Variants in SF3B2 observed in about 807,000 individuals in gnomAD.
SF3B2 encodes splicing factor 3b subunit 2.
Under a neutral mutation model 116.3 loss-of-function variants are expected in SF3B2, and 22 were observed. The observed-to-expected ratio is 0.19, with a 90% CI of 0.14 to 0.27. The LOEUF is 0.27. Ranked by LOEUF, SF3B2 falls within the 10% of genes least tolerant of loss-of-function variation. SF3B2 has a pLI of 1.00. For synonymous variants in SF3B2, 406 were observed against 421.6 expected (o/e 0.96, Z 0.45); for missense variants, 767 against 1,151.4 (o/e 0.67, Z 4.83).
In SF3B2 at chr11:66,061,637, C is replaced by G. The variant is rs762710893; in HGVS notation, c.1780-49C>G. 8 of 1,376,452 alleles carry G rather than the reference C, an allele frequency of 5.8e-6. No homozygotes were observed. The South Asian group carries it at 9.3e-5, about 16-fold the overall frequency. 85.3% of individuals were successfully genotyped at this position (1,376,452 alleles called of 1,614,324 possible). On this transcript the variant is annotated intron_variant, in intron 14 of 21. Transcript: ENST00000322535. Reference sequence around the variant, plus strand: ...TCTGATGTGCGTTAGGATTGTGCTCCCACTGAGTGTCTGGGTCTACAATGT... The same window carrying G: ...TCTGATGTGCGTTAGGATTGTGCTCGCACTGAGTGTCTGGGTCTACAATGT...
At chr11:66,053,342 T>C (rs563033739) in intron 3 of SF3B2, 31 of 538,566 alleles carry the variant, frequency 5.8e-5, no homozygotes, top group African/African-American at 5.7e-4. Flanking sequence ...AGTTCTCTCT[T>C]TGATGCTGAC....
rs371131684 is a variant in SF3B2 at position 66,055,148 on chromosome 11, C to T, written c.331C>T (p.Pro111Ser). 6.3e-7 allele frequency: 1 copy of T among 1,592,420 alleles called. No homozygotes were observed. Among genetic ancestry groups the T allele is most frequent in the Non-Finnish European group, 8.6e-7 (1 of 1,165,338 alleles). The change falls in exon 4 of 22, where the codon CCT becomes TCT. Residue 111 changes from proline (P) to serine (S), a missense_variant. By Grantham distance (74) the Pro-to-Ser change is moderately conservative (BLOSUM62 -1). Around this residue, in one of 4 missense-constraint regions of SF3B2, gnomAD observed 455 missense variants for 537.5 expected, o/e 0.85. Transcript: ENST00000322535. Reference protein sequence around the residue: ...PLQPPPPPPPPPPGLGLGFPM... With the variant: ...PLQPPPPPPPSPPGLGLGFPM... ...GCAGCCTCCTCCGCCACCCCCACCACCTCCACCAGGCCTTGGCCTTGGCTT... is the reference window on the plus strand; with the variant it reads ...GCAGCCTCCTCCGCCACCCCCACCATCTCCACCAGGCCTTGGCCTTGGCTT...
intron 3 of SF3B2, among the ~76,000 whole-genome samples, chr11:66,054,311 T>C (rs1856952887): frequency 6.6e-6 from 1 of 151,480 alleles, no homozygotes; most frequent in Admixed American, 6.6e-5. Context: ...ACCTTGTCTC[T>C]ACTAAAAATA....
chr11:66,058,480 T>A (rs491618), intron 9 of SF3B2, 75 bp downstream of exon 9: 316,807 of 1,150,780 alleles, frequency 0.28, 47,105 homozygotes, highest in Admixed American at 0.44. Flanking sequence ...AATTTGTAAG[T>A]GTTCAGTAAG....
Position 66,059,005 on chromosome 11 carries a change from C to G in SF3B2, c.1142C>G (p.Pro381Arg). 1 of 1,614,042 alleles carries G rather than the reference C, an allele frequency of 6.2e-7. No individual in the cohort carries two copies. Among genetic ancestry groups the G allele is most frequent in the Non-Finnish European group, 8.5e-7 (1 of 1,180,004 alleles). ...ACTGAAGAACCTGAAATTTACGAGC[C>G]CAACTTTATCTTCTTTAAGAGGATC... ...YVTEEPEIYE[P>R]NFIFFKRIFE... Residue 381 changes from proline (P) to arginine (R), a missense_variant, in exon 10 of 22, where the codon CCC becomes CGC. Physicochemically the swap from Pro to Arg is moderately radical, Grantham distance 103. Coordinates refer to ENST00000322535, the MANE Select transcript of SF3B2 (RefSeq NM_006842.3). This position sits in a 1 kb window ranked among gnomAD's most constrained non-coding sequence, Gnocchi z 5.0.
At chr11:66,052,604 G>A in intron 1 of SF3B2, 69 bp from the exon 2 acceptor site, 3 of 1,591,132 alleles carry the variant, frequency 1.9e-6, no homozygotes, top group Non-Finnish European at 2.6e-6. Flanking sequence ...GCGAGGGGCG[G>A]AGGCAGGCCG....
chr11:66,061,789 A>T lies in SF3B2; in HGVS notation c.1869+14A>T, dbSNP rs1030585939. On this transcript the variant is annotated intron_variant, in intron 15 of 21. Coordinates refer to ENST00000322535, the MANE Select transcript of SF3B2 (RefSeq NM_006842.3). ...CCAGTAGGACCAGTGAGTGTCAGTT[A>T]GCTGTCTGGGGAAGCAGCGAAGAGG... is the stretch of plus-strand genomic sequence containing the variant. The T allele has an allele frequency of 6.2e-7, 1 of 1,612,102 alleles. No individual in the cohort carries two copies. Among genetic ancestry groups the T allele is most frequent in the East Asian group, 2.2e-5 (1 of 44,874 alleles).
chr11:66,052,571 C>G (rs1856899428), intron 1 of SF3B2, 54 bp downstream of exon 1: 2 of 1,595,314 alleles, frequency 1.3e-6, no homozygotes, highest in African/African-American at 2.7e-5. Flanking sequence ...GAAGCGGAGC[C>G]TGGTTACCCG....
In SF3B2 at chr11:66,063,736, G is replaced by A; in HGVS notation, c.2330+7G>A. The A allele has an allele frequency of 6.2e-7, 1 of 1,602,938 alleles. No individual in the cohort carries two copies. Among genetic ancestry groups the A allele is most frequent in the South Asian group, 1.1e-5 (1 of 89,414 alleles). On this transcript the variant is annotated splice_region_variant and intron_variant, in intron 19 of 21. Coordinates refer to ENST00000322535, the MANE Select transcript of SF3B2 (RefSeq NM_006842.3). ...TTGAGGAGGCGATGGACGGGTAAGG[G>A]TACCAGACAGGGCTGAGAGGGGAGG...
chr11:66,063,444 A>T lies in SF3B2; in HGVS notation c.2130A>T (p.Glu710Asp). ...AGATTGATCGGACCCCTTGGGGGGA[A>T]CTGGAACCATCTGATGAAGAATCCT... ...EEEIDRTPWG[E>D]LEPSDEESSE... Residue 710 changes from glutamate to aspartate, a missense_variant, in exon 18 of 22, where the codon GAA becomes GAT. Physicochemically the swap from Glu to Asp is conservative, Grantham distance 45. Coordinates refer to ENST00000322535, the MANE Select transcript of SF3B2 (RefSeq NM_006842.3). 1 of 1,614,146 alleles carries T rather than the reference A, an allele frequency of 6.2e-7. No individual in the cohort carries two copies. The highest frequency in any genetic ancestry group is 1.1e-5 in the South Asian group (1 of 91,080).
In SF3B2 at chr11:66,052,393, G is replaced by C. The variant is rs1482638531; in HGVS notation, c.9G>C (p.Thr3=). Residue 3 remains threonine, a synonymous_variant, in exon 1 of 22, where the codon ACG becomes ACC. Transcript: ENST00000322535. MA[T]EHPEPPKAEL... The stretch of plus-strand genomic sequence containing the variant: ...GCCTTCCTGCGGCTAAGATGGCGAC[G>C]GAGCATCCCGAGCCTCCCAAAGCAG... The C allele has an allele frequency of 6.2e-7, 1 of 1,610,616 alleles. No homozygotes were observed. Among genetic ancestry groups the C allele is most frequent in the Non-Finnish European group, 8.5e-7 (1 of 1,178,978 alleles).
Position 66,055,126 on chromosome 11 carries a change from GCCT to G in SF3B2, c.315_317del (p.Pro113del), listed in dbSNP as rs1401194304. The G allele has an allele frequency of 9.6e-6, 15 of 1,563,882 alleles. No individual in the cohort carries two copies. The highest frequency in any genetic ancestry group is 2.7e-5 in the African/African-American group (2 of 73,520). On this transcript the variant is annotated inframe_deletion, in exon 4 of 22. Transcript: ENST00000322535. ...CACCTTTGGGACTCCCCCCTCTGCA[GCCT>G]CCTCCGCCACCCCCACCACCTCCAC...
Position 66,052,425 on chromosome 11 carries a change from A to AGCTGCC in SF3B2, c.44_49dup (p.Leu15_Pro16dup), listed in dbSNP as rs1856893382. The AGCTGCC allele has an allele frequency of 1.9e-6, 3 of 1,612,946 alleles. No homozygotes were observed. The highest frequency in any genetic ancestry group is 2.5e-6 in the Non-Finnish European group (3 of 1,179,858). ...CCCGAGCCTCCCAAAGCAGAATTGC[A>AGCTGCC]GCTGCCGCCGCCGCCACCTCCAGGC... On this transcript the variant is annotated inframe_insertion, in exon 1 of 22. Transcript: ENST00000322535.
chr11:66,059,812 C>G lies in SF3B2; in HGVS notation c.1432C>G (p.His478Asp). 6.2e-7 allele frequency: 1 copy of G among 1,614,228 alleles called. No homozygotes were observed. Among genetic ancestry groups the G allele is most frequent in the Non-Finnish European group, 8.5e-7 (1 of 1,180,046 alleles). ...GGCTCGGCCCGATGTCGTGGAGATGCACGATGTGACAGCGCAGGACCCTAA... is the reference window on the plus strand; with the variant it reads ...GGCTCGGCCCGATGTCGTGGAGATGGACGATGTGACAGCGCAGGACCCTAA... ...LVARPDVVEM[H>D]DVTAQDPKLL... The change falls in exon 13 of 22, where the codon CAC (histidine) becomes GAC (aspartate). Residue 478 changes from histidine to aspartate, a missense_variant. Physicochemically the swap from His to Asp is moderately conservative, Grantham distance 81. Around this residue, in one of 4 missense-constraint regions of SF3B2, gnomAD observed 282 missense variants for 568.0 expected, o/e 0.50. Coordinates refer to ENST00000322535, the MANE Select transcript of SF3B2 (RefSeq NM_006842.3). The surrounding 1 kb of genome is among the most constrained non-coding windows in gnomAD (Gnocchi z 5.0).
intron 14 of SF3B2, among the ~76,000 whole-genome samples, chr11:66,060,963 T>G (rs1446389610): frequency 6.6e-6 from 1 of 152,010 alleles, no homozygotes; most frequent in Non-Finnish European, 1.5e-5. Context: ...CCTGGCTAAT[T>G]TTTTGTATCT....
rs1345271937 is a variant in SF3B2, at chr11:66,057,289, G to C, written c.691G>C (p.Gly231Arg). 3.7e-6 allele frequency: 6 copies of C among 1,609,322 alleles called. No homozygotes were observed. Among genetic ancestry groups the C allele is most frequent in the African/African-American group, 2.7e-5 (2 of 74,822 alleles). The change falls in exon 7 of 22, where the codon GGC (glycine) becomes CGC (arginine). Residue 231 changes from glycine (G) to arginine (R), a missense_variant. Transcript: ENST00000322535. ...PRVAAPVGPV[G>R]PTPTVLPMGA... ...AGTAGCTGCTCCAGTGGGCCCAGTG[G>C]GCCCCACTCCTACAGTTTTGCCCAT...
At chr11:66,052,996 G>T in intron 2 of SF3B2, 31 bp from the exon 3 acceptor site, 1 of 1,607,462 alleles carries the variant, frequency 6.2e-7, no homozygotes, top group Non-Finnish European at 8.5e-7. Context: ...AGCTAGTTTT[G>T]GACTGACCTA....
Position 66,059,310 on chromosome 11 carries a change from G to A in SF3B2, c.1292G>A (p.Ser431Asn). The stretch of plus-strand genomic sequence containing the variant: ...GGATTTGAAGAGGAGCACAAGGACA[G>A]TGATGATGACAGCAGTGATGACGAG... ...KKGFEEEHKD[S>N]DDDSSDDEQE... The change falls in exon 11 of 22, where the codon AGT (serine) becomes AAT (asparagine). Residue 431 changes from serine to asparagine, a missense_variant. Coordinates refer to ENST00000322535, the MANE Select transcript of SF3B2 (RefSeq NM_006842.3). The surrounding 1 kb of genome is among the most constrained non-coding windows in gnomAD (Gnocchi z 5.0). 1 of 1,614,054 alleles carries A rather than the reference G, an allele frequency of 6.2e-7. No homozygotes were observed. The highest frequency in any genetic ancestry group is 1.7e-5 in the Admixed American group (1 of 59,992).
At position 66,055,519 on chromosome 11, in the gene SF3B2, T is replaced by C. The variant is rs753185494; in HGVS notation, c.499-16T>C. On this transcript the variant is annotated splice_polypyrimidine_tract_variant and intron_variant, in intron 4 of 21. Coordinates refer to ENST00000322535, the MANE Select transcript of SF3B2 (RefSeq NM_006842.3). ...TTGGGTATTGGTGCTGGTATGAACT[T>C]GTTTTCTTTTTTAAGCAGGGAGATC... is the stretch of plus-strand genomic sequence containing the variant. The C allele has an allele frequency of 4.3e-6, 7 of 1,614,114 alleles. No individual in the cohort carries two copies. The highest frequency in any genetic ancestry group is 5.9e-6 in the Non-Finnish European group (7 of 1,179,990).
Sources: gnomAD v4.1 joint callset for allele counts (sites outside exome capture counted in the v4.1 genomes callset) on GRCh38, gnomAD v4.1.1 for gene constraint, gnomAD v4.1.1 regional missense constraint, Gnocchi (gnomAD v3.1) non-coding constraint, MANE v1.5 for transcripts, NCBI Gene and HGNC (gene_info 2026-07-23, HGNC 2026-07-21) for gene names.